The following ZNF395 variants were observed in gnomAD, a reference collection of about 807,000 sequenced individuals.
The protein encoded by ZNF395 is HD gene regulatory region-binding protein 2.
ZNF395 carries 20 observed loss-of-function variants against 57.7 expected under a neutral mutation model. That is an observed-to-expected ratio of 0.35 (90% CI 0.24 to 0.50). The LOEUF (loss-of-function observed/expected upper bound fraction) is 0.50. Ranked by LOEUF, ZNF395 falls within the 20% of genes least tolerant of loss-of-function variation. The probability of loss-of-function intolerance (pLI) is 0.97; values close to 1 mark genes in which losing one functional copy is unlikely to be tolerated. For synonymous variants in ZNF395, 295 were observed against 275.9 expected (o/e 1.07, Z -0.69); for missense variants, 606 against 671.2 (o/e 0.90, Z 1.07).
At chr8:28,363,785 G>A (rs990115678) in intron 1 of ZNF395, among the ~76,000 whole-genome samples, 3 of 152,106 alleles carry the variant, frequency 2.0e-5, no homozygotes, top group African/African-American at 7.2e-5. Flanking sequence ...CAACAAACTC[G>A]GTCGATGTTT....
At chr8:28,362,102 A>AAG (rs1256382196) in intron 1 of ZNF395, among the ~76,000 whole-genome samples, 4 of 151,918 alleles carry the variant, frequency 2.6e-5, no homozygotes, top group African/African-American at 9.7e-5. Flanking sequence ...AAAAAAAAAA[A>AAG]AAAGAAAGAA....
rs115077933 is a variant in ZNF395, at chr8:28,383,791, C to T, written c.-59+2602G>A. Among the ~76,000 whole-genome samples, 3 of 152,280 alleles carry T rather than the reference C, an allele frequency of 2.0e-5. No homozygotes were observed. In the South Asian group the frequency reaches 6.2e-4, roughly 32 times the overall value. ...CTGTAGCCTCTGCAACACTGTCCCC[C>T]CTGGGCTCCCCCATCTCAGAGCCAT... On this transcript the variant is annotated intron_variant, in intron 1 of 9. Coordinates refer to ENST00000344423, the MANE Select transcript of ZNF395 (RefSeq NM_018660.3).
Position 28,353,178 on chromosome 8 carries a change from T to G in ZNF395, c.814A>C (p.Arg272=). 6.2e-7 allele frequency: 1 copy of G among 1,613,752 alleles called. No homozygotes were observed. The highest frequency in any genetic ancestry group is 8.5e-7 in the Non-Finnish European group (1 of 1,180,016). ...FLLDEPAPRK[R]KNSVKVMYKC... ...CTCACACCACAATCACGTACCTTTC[T>G]TTTTCGTGGAGCTGGTTCGTCCAGC... The change falls in exon 5 of 10, where the codon AGA becomes CGA. Residue 272 remains arginine, a synonymous_variant. Transcript: ENST00000344423.
chr8:28,370,305 G>A (rs1050732014), intron 1 of ZNF395, among the ~76,000 whole-genome samples: 8 of 152,180 alleles, frequency 5.3e-5, no homozygotes, highest in Admixed American at 1.3e-4. Context: ...AGGCACCATC[G>A]GGGAAGATTT....
chr8:28,381,014 A>AGTTTGTGTGT (rs1802102044), intron 1 of ZNF395, among the ~76,000 whole-genome samples: 1 of 134,212 alleles, frequency 7.5e-6, no homozygotes, highest in African/African-American at 2.8e-5. Context: ...ACACCCTGCT[A>AGTTTGTGTGT]GTGTGTGTGT....
intron 9 of ZNF395, 67 bp downstream of exon 9, chr8:28,349,058 C>A: frequency 6.9e-7 from 1 of 1,458,098 alleles, no homozygotes; most frequent in South Asian, 1.3e-5. Flanking sequence ...TGGGTGGGGT[C>A]GGAGTCCACG....
chr8:28,374,675 G>A (rs1410010967), intron 1 of ZNF395, among the ~76,000 whole-genome samples: 1 of 152,236 alleles, frequency 6.6e-6, no homozygotes, highest in African/African-American at 2.4e-5. Context: ...TCTGTGGATT[G>A]TTAAATTTAT....
rs1801632231 is a variant in ZNF395 at position 28,348,257 on chromosome 8, CTCT to C, written c.*459_*461del. 1 of 129,002 alleles carries C rather than the reference CTCT, an allele frequency of 7.8e-6. No homozygotes were observed. Among genetic ancestry groups the C allele is most frequent in the Admixed American group, 8.0e-5 (1 of 12,578 alleles). The allele number at this position is 129,002 out of a possible 1,614,324, so 8.0% of individuals were successfully genotyped here. ...CTCTGAGTCACCCATCAGCCAGAAA[CTCT>C]TTTTTTTTTTTTTTTTTTTTTTTTT... On this transcript the variant is annotated 3_prime_UTR_variant, in exon 10 of 10. Coordinates refer to ENST00000344423, the MANE Select transcript of ZNF395 (RefSeq NM_018660.3).
Position 28,351,570 on chromosome 8 carries a change from G to A in ZNF395, c.1158C>T (p.Ser386=). ...TGCTGAGAGCCCCTGAGGGCAGGGA[G>A]GACTCCGGGCCAGGATGTTCTGGGC... is the stretch of plus-strand genomic sequence containing the variant. The part of the protein sequence containing the change: ...SSGPEHPGPE[S]SLPSGALSKS... The change falls in exon 7 of 10, where the codon TCC becomes TCT. Residue 386 remains serine, a synonymous_variant. Transcript: ENST00000344423. 6.2e-7 allele frequency: 1 copy of A among 1,613,874 alleles called. No homozygotes were observed. Among genetic ancestry groups the A allele is most frequent in the Non-Finnish European group, 8.5e-7 (1 of 1,180,006 alleles).
At chr8:28,355,582 T>TAAG (rs1801769627) in intron 4 of ZNF395, among the ~76,000 whole-genome samples, 2 of 152,292 alleles carry the variant, frequency 1.3e-5, no homozygotes, top group South Asian at 4.1e-4. Context: ...AGTCAATAAT[T>TAAG]TTCTTTTCTT....
intron 2 of ZNF395, 141 bp downstream of exon 2, chr8:28,360,744 C>T (rs1237086374): frequency 2.5e-6 from 3 of 1,206,366 alleles, no homozygotes; most frequent in Admixed American, 5.4e-5. Context: ...CGATCTGCTG[C>T]CCAGGTGCCC....
Position 28,346,538 on chromosome 8 carries a change from C to G in ZNF395, c.*2181G>C, listed in dbSNP as rs1046948346. On this transcript the variant is annotated 3_prime_UTR_variant, in exon 10 of 10. Transcript: ENST00000344423. The stretch of plus-strand genomic sequence containing the variant: ...AAGCAAAACCACCGTGGTTTCCACA[C>G]TGCTCTCTCCCTTTATTCCTCTCTT... The G allele has an allele frequency of 6.6e-6, 1 of 152,318 alleles. No homozygotes were observed. The highest frequency in any genetic ancestry group is 1.5e-5 in the Non-Finnish European group (1 of 68,104). 9.4% of individuals were successfully genotyped at this position (152,318 alleles called of 1,614,324 possible). A position where few individuals can be genotyped will look rare whatever the true frequency, so the allele number is the denominator to read the frequency against.
chr8:28,377,847 T>G (rs899455493), intron 1 of ZNF395, among the ~76,000 whole-genome samples: 1 of 148,176 alleles, frequency 6.7e-6, no homozygotes, highest in Non-Finnish European at 1.5e-5. Context: ...AACCTTTGTC[T>G]CCTGGGTTCA....
At position 28,350,090 on chromosome 8, in the gene ZNF395, G is replaced by A. The variant is rs1474330644; in HGVS notation, c.1300C>T (p.Pro434Ser). The A allele has an allele frequency of 6.2e-7, 1 of 1,606,710 alleles. No individual in the cohort carries two copies. Among genetic ancestry groups the A allele is most frequent in the Admixed American group, 1.7e-5 (1 of 58,766 alleles). Reference protein sequence around the residue: ...IYTSVSWAAAPSAACSLSPVR... With the variant: ...IYTSVSWAAASSAACSLSPVR... ...GGAGAGAGAGAGCAGGCGGCGGAGG[G>A]GGCAGCAGCCCAGCTGACACTGGTG... The change falls in exon 8 of 10, where the codon CCC becomes TCC. Residue 434 changes from proline (P) to serine (S), a missense_variant. By Grantham distance (74) the Pro-to-Ser change is moderately conservative. Coordinates refer to ENST00000344423, the MANE Select transcript of ZNF395 (RefSeq NM_018660.3).
Position 28,347,389 on chromosome 8 carries a change from A to G in ZNF395, c.*1330T>C, listed in dbSNP as rs534963374. 6.6e-6 allele frequency: 1 copy of G among 152,414 alleles called. No individual in the cohort carries two copies. The highest frequency in any genetic ancestry group is 2.4e-5 in the African/African-American group (1 of 41,548). The allele number at this position is 152,414 out of a possible 1,614,324, so 9.4% of individuals were successfully genotyped here. A position where few individuals can be genotyped will look rare whatever the true frequency, so the allele number is the denominator to read the frequency against. ...ACGCTGGGAGGAAAGTGAGACACCA[A>G]AACAGAAACATGCCCTGCCATCCGG... On this transcript the variant is annotated 3_prime_UTR_variant, in exon 10 of 10. Coordinates refer to ENST00000344423, the MANE Select transcript of ZNF395 (RefSeq NM_018660.3).
intron 1 of ZNF395, among the ~76,000 whole-genome samples, chr8:28,367,805 C>T (rs773504412): frequency 3.0e-4 from 45 of 152,278 alleles, no homozygotes; most frequent in Non-Finnish European, 6.3e-4. Flanking sequence ...GATCTTCCAG[C>T]GGTAAGAAGA....
chr8:28,379,128 T>C (rs747561117), intron 1 of ZNF395, among the ~76,000 whole-genome samples: 2 of 152,228 alleles, frequency 1.3e-5, no homozygotes, highest in Non-Finnish European at 2.9e-5. Context: ...CTATGTCTGA[T>C]AACCAGGAAA....
chr8:28,353,465 C>T lies in ZNF395; in HGVS notation c.584-57G>A. The T allele has an allele frequency of 4.4e-6, 6 of 1,360,582 alleles. No homozygotes were observed. In the South Asian group the frequency reaches 9.0e-5, roughly 20 times the overall value. 84.3% of individuals were successfully genotyped at this position (1,360,582 alleles called of 1,614,324 possible). ...TCACGGGCGTGTCCCTGGGCAAACT[C>T]TCCCTTCTGAGCTTCGGTAAACATG... On this transcript the variant is annotated intron_variant, in intron 4 of 9. Transcript: ENST00000344423.
intron 4 of ZNF395, among the ~76,000 whole-genome samples, chr8:28,354,238 C>T (rs537366220): frequency 3.9e-5 from 6 of 152,290 alleles, no homozygotes; most frequent in Admixed American, 2.6e-4. Context: ...GAGAATCTTC[C>T]GTTTTTAAAC....
Sources: gnomAD v4.1 joint callset for allele counts (sites outside exome capture counted in the v4.1 genomes callset) on GRCh38, gnomAD v4.1.1 for gene constraint, MANE v1.5 for transcripts, NCBI Gene and HGNC (gene_info 2026-07-23, HGNC 2026-07-21) for gene names.